TNN: variants seen among roughly 807,000 people sequenced by gnomAD.
TNN encodes the protein tenascin N.
In TNN, 122 loss-of-function variants were observed where a neutral mutation model predicts 134.4. The observed-to-expected ratio is 0.91, with a 90% CI of 0.78 to 1.06. TNN has a LOEUF of 1.06. TNN is among the 50% of genes least tolerant of loss of function. TNN has a pLI of 0.00. For missense variants in TNN, 1,739 were observed against 1,699.4 expected, an observed-to-expected ratio of 1.02 and a Z score of -0.41; for synonymous variants, 710 against 670.3, an observed-to-expected ratio of 1.06 and a Z score of -0.91.
intron 9 of TNN, 145 bp from the exon 10 acceptor site, chr1:175,116,794 C>T: frequency 8.8e-7 from 1 of 1,136,328 alleles, no homozygotes; most frequent in East Asian, 2.4e-5. Flanking sequence ...GGGATAAGGT[C>T]TATATCCATG....
At chr1:175,118,190 G>A (rs1462831592) in intron 10 of TNN, among the ~76,000 whole-genome samples, 4 of 152,304 alleles carry the variant, frequency 2.6e-5, no homozygotes, top group Middle Eastern at 3.4e-3. Flanking sequence ...ACACAAAATT[G>A]TTAGTTCCTG....
Position 175,118,606 on chromosome 1 carries a change from A to T in TNN, c.2432A>T (p.Asn811Ile). The T allele has an allele frequency of 6.2e-7, 1 of 1,614,140 alleles. No individual in the cohort carries two copies. Among genetic ancestry groups the T allele is most frequent in the Non-Finnish European group, 8.5e-7 (1 of 1,180,014 alleles). Residue 811 changes from asparagine to isoleucine, a missense_variant, in exon 11 of 19, where the codon AAT (asparagine) becomes ATT (isoleucine). Asn to Ile is a moderately radical substitution (Grantham distance 149, BLOSUM62 -3). Transcript: ENST00000239462. ...QNLVTDWVTE[N>I]TATVSWDPVQ... ...CTGGTCACTGACTGGGTGACAGAGAATACAGCCACTGTCTCCTGGGACCCG... is the reference window on the plus strand; with the variant it reads ...CTGGTCACTGACTGGGTGACAGAGATTACAGCCACTGTCTCCTGGGACCCG...
At chr1:175,144,352 C>G in intron 17 of TNN, 35 bp from the exon 18 acceptor site, 4 of 1,604,514 alleles carry the variant, frequency 2.5e-6, no homozygotes, top group Non-Finnish European at 3.4e-6. Context: ...GGTGGCTAAC[C>G]CTGGGCTCTC....
At chr1:175,134,821 C>T (rs1371654253) in intron 15 of TNN, among the ~76,000 whole-genome samples, 2 of 150,530 alleles carry the variant, frequency 1.3e-5, no homozygotes, top group South Asian at 2.1e-4. Flanking sequence ...CAGTGGTCTC[C>T]TAATTGGTCA....
chr1:175,116,872 A>G, intron 9 of TNN, 67 bp from the exon 10 acceptor site: 2 of 1,608,898 alleles, frequency 1.2e-6, no homozygotes, highest in Non-Finnish European at 1.7e-6. Context: ...ACCACAAGTA[A>G]AATGCCCAGA....
At chr1:175,092,353 C>T (rs894432530) in intron 6 of TNN, among the ~76,000 whole-genome samples, 3 of 152,122 alleles carry the variant, frequency 2.0e-5, no homozygotes, top group Admixed American at 6.5e-5. Context: ...GTGCCTGCAT[C>T]CTAATTGTCC....
At chr1:175,121,065 G>A (rs1278749016) in intron 11 of TNN, among the ~76,000 whole-genome samples, 1 of 152,062 alleles carries the variant, frequency 6.6e-6, no homozygotes, top group Non-Finnish European at 1.5e-5. Flanking sequence ...TTACAGGCAT[G>A]GGTCACTATG....
intron 9 of TNN, among the ~76,000 whole-genome samples, chr1:175,111,665 T>C (rs1348221726): frequency 6.6e-6 from 1 of 152,164 alleles, no homozygotes; most frequent in Non-Finnish European, 1.5e-5. Context: ...ATCTTCAATT[T>C]CTTTCATCAG....
chr1:175,090,702 C>T (rs950733296), intron 6 of TNN, among the ~76,000 whole-genome samples: 3 of 152,230 alleles, frequency 2.0e-5, no homozygotes, highest in Non-Finnish European at 4.4e-5. Flanking sequence ...CTGATGTGAA[C>T]AGAGCTTCTA....
intron 3 of TNN, 51 bp from the exon 4 acceptor site, chr1:175,080,112 G>T: frequency 6.2e-7 from 1 of 1,600,236 alleles, no homozygotes; most frequent in Non-Finnish European, 8.5e-7. Context: ...CACTGGGTCT[G>T]GATCGCCTCC....
chr1:175,106,674 C>T (rs779871135), intron 9 of TNN, among the ~76,000 whole-genome samples: 2 of 146,190 alleles, frequency 1.4e-5, no homozygotes, highest in Admixed American at 6.8e-5. Flanking sequence ...GATAGATAGG[C>T]GAGTGTCGCT....
At chr1:175,093,882 A>G in intron 6 of TNN, 108 bp from the exon 7 acceptor site, 1 of 1,202,532 alleles carries the variant, frequency 8.3e-7, no homozygotes, top group East Asian at 2.5e-5. Context: ...CTTGTATTGC[A>G]TAAACTATTG....
chr1:175,090,793 G>A (rs1282340356), intron 6 of TNN, among the ~76,000 whole-genome samples: 12 of 152,280 alleles, frequency 7.9e-5, no homozygotes, highest in South Asian at 4.1e-4. Context: ...TCTAACTAAC[G>A]TATGTACTCA....
intron 9 of TNN, among the ~76,000 whole-genome samples, chr1:175,114,478 T>C (rs1219193135): frequency 6.6e-6 from 1 of 152,238 alleles, no homozygotes; most frequent in Admixed American, 6.5e-5. Flanking sequence ...TGGGGTCAGG[T>C]CTGACATGGC....
chr1:175,080,191 C>G lies in TNN; in HGVS notation c.813C>G (p.Leu271=). The change falls in exon 4 of 19, where the codon CTC becomes CTG. Residue 271 remains leucine (L), a synonymous_variant. Coordinates refer to ENST00000239462, the MANE Select transcript of TNN (RefSeq NM_022093.2). ...QVVTPQGLQL[L]KNTEDSLLVS... ...TCACCCCACAGGGCCTGCAGCTGCT[C>G]AAGAACACGGAGGATTCTCTGCTGG... 1 of 1,614,048 alleles carries G rather than the reference C, an allele frequency of 6.2e-7. No homozygotes were observed.
chr1:175,087,612 G>C (rs1227209753), intron 6 of TNN, among the ~76,000 whole-genome samples: 5 of 152,154 alleles, frequency 3.3e-5, no homozygotes, highest in African/African-American at 1.2e-4. Context: ...ACACAACACA[G>C]AACATTTCAC....
intron 9 of TNN, among the ~76,000 whole-genome samples, chr1:175,110,683 TG>T: frequency 6.6e-6 from 1 of 152,368 alleles, no homozygotes; most frequent in East Asian, 1.9e-4. Flanking sequence ...AGTAAATATG[TG>T]GATTTATTTC....
At chr1:175,114,275 G>A (rs7515773) in intron 9 of TNN, among the ~76,000 whole-genome samples, 31,649 of 152,108 alleles carry the variant, frequency 0.21, 3,406 homozygotes, top group African/African-American at 0.23. Context: ...ACGTAGGTTC[G>A]GTGGTATAGT....
At chr1:175,083,647 G>A (rs1674252240) in intron 4 of TNN, 103 bp from the exon 5 acceptor site, 11 of 1,066,140 alleles carry the variant, frequency 1.0e-5, no homozygotes, top group Non-Finnish European at 1.5e-5. Flanking sequence ...CAGCTCTTGA[G>A]ATGTCAAGAA....
Sources: gnomAD v4.1 joint callset for allele counts (sites outside exome capture counted in the v4.1 genomes callset) on GRCh38, gnomAD v4.1.1 for gene constraint, MANE v1.5 for transcripts, NCBI Gene and HGNC (gene_info 2026-07-23, HGNC 2026-07-21) for gene names.